The following KPNA1 variants were observed in gnomAD, a reference collection of about 807,000 sequenced individuals.
KPNA1 encodes the protein importin subunit alpha-5.
KPNA1 carries 10 observed loss-of-function variants against 70.5 expected under a neutral mutation model. The ratio of observed to expected loss-of-function variants is 0.14; its 90% CI spans 0.09 to 0.24. The LOEUF is 0.24. Among genes scored for constraint, KPNA1 ranks in the 10% least tolerant of loss-of-function variants. KPNA1 has a pLI of 1.00. For missense variants in KPNA1, 397 were observed against 637.9 expected (o/e 0.62, Z 4.07); for synonymous variants, 192 against 221.9 (o/e 0.87, Z 1.20).
At chr3:122,510,426 AAAC>A (rs1397151689) in intron 1 of KPNA1, among the ~76,000 whole-genome samples, 1 of 152,212 alleles carries the variant, frequency 6.6e-6, no homozygotes, top group South Asian at 2.1e-4. Context: ...GAAATGAAGC[AAAC>A]AACAACAAAA....
chr3:122,514,840 C>G lies in KPNA1; in HGVS notation c.-89G>C, dbSNP rs1343192402. 1.3e-5 allele frequency: 2 copies of G among 152,772 alleles called. No individual in the cohort carries two copies. The highest frequency in any genetic ancestry group is 2.9e-5 in the Non-Finnish European group (2 of 68,542). 9.5% of individuals were successfully genotyped at this position (152,772 alleles called of 1,614,324 possible). On this transcript the variant is annotated 5_prime_UTR_variant, in exon 1 of 14. Transcript: ENST00000344337. ...CCGCCGTGCCACTCCCGCGCACAAC[C>G]TCGAAGAGCTGGCCCGCGCCTCGGC...
At chr3:122,502,363 AG>A (rs1164762326) in intron 1 of KPNA1, among the ~76,000 whole-genome samples, 1 of 152,320 alleles carries the variant, frequency 6.6e-6, no homozygotes, top group Non-Finnish European at 1.5e-5. Flanking sequence ...TGAGGTCATG[AG>A]GGTCCCACCC....
At chr3:122,439,824 A>T (rs1008740927) in intron 10 of KPNA1, among the ~76,000 whole-genome samples, 1 of 152,184 alleles carries the variant, frequency 6.6e-6, no homozygotes, top group African/African-American at 2.4e-5. Context: ...AAGACCCAGC[A>T]ACTTGCTATA....
At chr3:122,486,880 A>G (rs2076636180) in intron 2 of KPNA1, among the ~76,000 whole-genome samples, 1 of 152,116 alleles carries the variant, frequency 6.6e-6, no homozygotes, top group Non-Finnish European at 1.5e-5. Context: ...TACATTCTTA[A>G]TGATATTAAA....
chr3:122,460,985 G>T (rs2107744587), intron 5 of KPNA1, among the ~76,000 whole-genome samples: 1 of 152,118 alleles, frequency 6.6e-6, no homozygotes, highest in East Asian at 1.9e-4. Context: ...TATTAGAGAA[G>T]TATTATCCAC....
chr3:122,439,061 T>C (rs1053223489), intron 10 of KPNA1, among the ~76,000 whole-genome samples: 1 of 152,212 alleles, frequency 6.6e-6, no homozygotes, highest in Non-Finnish European at 1.5e-5. Context: ...ATGAAGTCTT[T>C]TATGCCTATT....
intron 1 of KPNA1, among the ~76,000 whole-genome samples, chr3:122,505,565 T>C (rs1463150240): frequency 3.9e-5 from 6 of 152,180 alleles, no homozygotes; most frequent in African/African-American, 1.4e-4. Context: ...CTTTTCAAAG[T>C]ACCCTCTCAG....
intron 2 of KPNA1, among the ~76,000 whole-genome samples, chr3:122,474,973 C>A (rs547346332): frequency 6.6e-6 from 1 of 152,244 alleles, no homozygotes; most frequent in South Asian, 2.1e-4. Flanking sequence ...CTCTTGCCAT[C>A]TTCACTCAAT....
At position 122,426,912 on chromosome 3, in the gene KPNA1, G is replaced by T; in HGVS notation, c.*73C>A. On this transcript the variant is annotated 3_prime_UTR_variant, in exon 14 of 14. Coordinates refer to ENST00000344337, the MANE Select transcript of KPNA1 (RefSeq NM_002264.4). ...ACATTTGAGAAGTTAGCTCCATGAG[G>T]ACTGTGGGCTCCACAAGAGGACTCG... The T allele has an allele frequency of 8.4e-7, 1 of 1,196,352 alleles. No homozygotes were observed. Among genetic ancestry groups the T allele is most frequent in the South Asian group, 1.3e-5 (1 of 75,360 alleles). The allele number at this position is 1,196,352 out of a possible 1,614,324, so 74.1% of individuals were successfully genotyped here.
At chr3:122,441,442 G>A (rs1460857660) in intron 10 of KPNA1, among the ~76,000 whole-genome samples, 1 of 152,152 alleles carries the variant, frequency 6.6e-6, no homozygotes, top group Non-Finnish European at 1.5e-5. Flanking sequence ...GATGCTACTA[G>A]AGGATTCTGA....
intron 2 of KPNA1, among the ~76,000 whole-genome samples, chr3:122,484,118 T>A (rs1000769937): frequency 6.6e-6 from 1 of 152,172 alleles, no homozygotes; most frequent in Non-Finnish European, 1.5e-5. Context: ...AAAATTTGAA[T>A]ATGTAGTATA....
chr3:122,444,840 G>A (rs1285736634), intron 9 of KPNA1, among the ~76,000 whole-genome samples: 2 of 152,216 alleles, frequency 1.3e-5, no homozygotes, highest in East Asian at 3.8e-4. Flanking sequence ...CGAATAAGCA[G>A]AAAGGAATAG....
At chr3:122,448,127 AG>A (rs2076160507) in intron 9 of KPNA1, among the ~76,000 whole-genome samples, 2 of 152,232 alleles carry the variant, frequency 1.3e-5, no homozygotes, top group African/African-American at 4.8e-5. Flanking sequence ...GTGGAGAAAT[AG>A]GAACACTCTT....
chr3:122,437,332 T>C, intron 10 of KPNA1, 37 bp from the exon 11 acceptor site: 1 of 1,485,690 alleles, frequency 6.7e-7, no homozygotes, highest in Non-Finnish European at 9.2e-7. Flanking sequence ...CTTATTGTAT[T>C]GTTCTAAATA....
chr3:122,453,603 C>A (rs1471164239), intron 6 of KPNA1, among the ~76,000 whole-genome samples: 2 of 151,966 alleles, frequency 1.3e-5, no homozygotes, highest in Admixed American at 6.6e-5. Flanking sequence ...ATGACGCGAT[C>A]TCGGCTCACT....
chr3:122,443,048 G>T (rs1314227565), intron 9 of KPNA1: 1 of 152,286 alleles, frequency 6.6e-6, no homozygotes, highest in African/African-American at 2.4e-5. Flanking sequence ...TCCTTTCCTA[G>T]CCAAGGGAAG....
At chr3:122,428,885 C>G (rs6807803) in intron 12 of KPNA1, among the ~76,000 whole-genome samples, 66 of 152,266 alleles carry the variant, frequency 4.3e-4, no homozygotes, top group African/African-American at 1.5e-3. Context: ...GAGGCCAGCA[C>G]TTCCCCAATA....
intron 10 of KPNA1, among the ~76,000 whole-genome samples, chr3:122,438,674 C>G (rs1431778806): frequency 6.6e-6 from 1 of 152,160 alleles, no homozygotes; most frequent in African/African-American, 2.4e-5. Context: ...GCAGGAGCCA[C>G]CACGCTCGGC....
intron 2 of KPNA1, among the ~76,000 whole-genome samples, chr3:122,480,672 A>T (rs955534942): frequency 7.6e-5 from 11 of 144,758 alleles, no homozygotes; most frequent in African/African-American, 1.5e-4. Flanking sequence ...TTTCTCATTT[A>T]AAAAAAAAAA....
Sources: allele counts gnomAD v4.1 joint callset (sites outside exome capture counted in the v4.1 genomes callset), GRCh38; gene constraint gnomAD v4.1.1; transcripts MANE v1.5; gene names NCBI Gene and HGNC (gene_info 2026-07-23, HGNC 2026-07-21).